The following TENM3 variants were observed in gnomAD, a reference collection of about 807,000 sequenced individuals.
TENM3 encodes teneurin transmembrane protein 3.
Under a neutral mutation model 255.1 loss-of-function variants are expected in TENM3, and 63 were observed. The observed-to-expected ratio is 0.25, with a 90% CI of 0.20 to 0.30. The LOEUF (loss-of-function observed/expected upper bound fraction) is 0.30. Among genes scored for constraint, TENM3 ranks in the 10% least tolerant of loss-of-function variants. TENM3 has a pLI of 1.00. For missense variants in TENM3, 2,929 were observed against 3,461.1 expected (o/e 0.85, Z 3.86); for synonymous variants, 1,306 against 1,322.3 (o/e 0.99, Z 0.27).
the TENM3 span, among the ~76,000 whole-genome samples, chr4:181,795,820 G>A: frequency 6.6e-6 from 1 of 152,302 alleles, no homozygotes; most frequent in South Asian, 2.1e-4. Context: ...ACCTTTACAT[G>A]ATGGGAATCC....
intron 1 of TENM3, among the ~76,000 whole-genome samples, chr4:182,219,246 C>T (rs892751841): frequency 1.3e-5 from 2 of 151,482 alleles, no homozygotes; most frequent in African/African-American, 4.9e-5. Context: ...AGAACAAAAA[C>T]AATAAAAACC....
the TENM3 span, among the ~76,000 whole-genome samples, chr4:181,829,064 A>G: frequency 6.6e-6 from 1 of 152,148 alleles, no homozygotes; most frequent in Admixed American, 6.5e-5. Flanking sequence ...CATAGGGGAG[A>G]CAGTACTTTA....
chr4:182,071,989 A>G, the TENM3 span, among the ~76,000 whole-genome samples: 2 of 152,220 alleles, frequency 1.3e-5, no homozygotes, highest in South Asian at 4.1e-4. Context: ...AGCCTATGCC[A>G]ACACATTGCG....
chr4:181,587,499 C>T, the TENM3 span, among the ~76,000 whole-genome samples: 2 of 152,168 alleles, frequency 1.3e-5, no homozygotes, highest in Admixed American at 1.3e-4. Context: ...ACTACCTTAG[C>T]GCCTGATATT....
At chr4:182,490,660 G>A (rs1252394191) in intron 3 of TENM3, among the ~76,000 whole-genome samples, 2 of 152,046 alleles carry the variant, frequency 1.3e-5, no homozygotes, top group South Asian at 2.1e-4. Context: ...TTAGTTGTGC[G>A]AAAAATTGCA....
At chr4:182,105,771 A>T in the TENM3 span, among the ~76,000 whole-genome samples, 2 of 152,184 alleles carry the variant, frequency 1.3e-5, no homozygotes, top group South Asian at 4.1e-4. Flanking sequence ...TGTCCACATG[A>T]TTGATCTCTG....
At chr4:182,020,052 C>T in the TENM3 span, among the ~76,000 whole-genome samples, 3 of 151,814 alleles carry the variant, frequency 2.0e-5, no homozygotes, top group Admixed American at 6.6e-5. Flanking sequence ...ATAGCTTTAA[C>T]GTATTTGGCT....
chr4:181,538,404 CG>C, the TENM3 span, among the ~76,000 whole-genome samples: 1 of 151,598 alleles, frequency 6.6e-6, no homozygotes, highest in Non-Finnish European at 1.5e-5. Context: ...AGTAAACGCT[CG>C]GAACATAAAA....
the TENM3 span, among the ~76,000 whole-genome samples, chr4:182,026,242 G>A: frequency 6.6e-6 from 1 of 152,098 alleles, no homozygotes; most frequent in East Asian, 1.9e-4. Context: ...ATTTGGGTTG[G>A]TGCCATTTGT....
intron 3 of TENM3, among the ~76,000 whole-genome samples, chr4:182,415,234 A>G (rs1272383883): frequency 6.6e-6 from 1 of 152,174 alleles, no homozygotes; most frequent in Non-Finnish European, 1.5e-5. Context: ...GCACATTTGA[A>G]TGCTTGGTTG....
At chr4:182,711,430 G>T (rs1758739529) in intron 12 of TENM3, 1 of 162,212 alleles carries the variant, frequency 6.2e-6, no homozygotes, top group Non-Finnish European at 1.3e-5. Flanking sequence ...ATTTTTAGGA[G>T]ATACGAAGTG....
chr4:181,571,130 T>C, the TENM3 span, among the ~76,000 whole-genome samples: 1 of 152,134 alleles, frequency 6.6e-6, no homozygotes, highest in African/African-American at 2.4e-5. Flanking sequence ...CCGGTGCTGT[T>C]CCTCAATTGT....
the TENM3 span, among the ~76,000 whole-genome samples, chr4:181,883,126 C>CTTTTTTTTTTTTTTTTTTTTTTTT: frequency 4.7e-5 from 5 of 106,728 alleles, no homozygotes; most frequent in East Asian, 2.3e-4. Context: ...TGCAATTAAT[C>CTTTTTTTTTTTTTTTTTTTTTTTT]TTTTTTTTTT....
chr4:182,708,624 C>G (rs931738076), intron 12 of TENM3, among the ~76,000 whole-genome samples: 16 of 152,136 alleles, frequency 1.1e-4, no homozygotes, highest in African/African-American at 2.9e-4. Context: ...ACGGTGAAAC[C>G]CCACCTCTAC....
the TENM3 span, among the ~76,000 whole-genome samples, chr4:181,809,048 C>T: frequency 6.6e-6 from 1 of 152,182 alleles, no homozygotes; most frequent in African/African-American, 2.4e-5. Flanking sequence ...CTGGAAGTTA[C>T]TGTTGATGTG....
chr4:181,853,472 A>G, the TENM3 span, among the ~76,000 whole-genome samples: 120 of 152,354 alleles, frequency 7.9e-4, 1 homozygote, highest in African/African-American at 2.0e-3. Context: ...AATTCATTTT[A>G]TAACGGCAAT....
At chr4:182,579,446 C>G (rs1745268565) in intron 3 of TENM3, among the ~76,000 whole-genome samples, 1 of 152,064 alleles carries the variant, frequency 6.6e-6, no homozygotes, top group South Asian at 2.1e-4. Context: ...AATCAAAGAG[C>G]AAGAGTCAAA....
the TENM3 span, among the ~76,000 whole-genome samples, chr4:182,013,377 T>G: frequency 6.6e-6 from 1 of 152,242 alleles, no homozygotes; most frequent in Non-Finnish European, 1.5e-5. Flanking sequence ...GGCCCTTGCC[T>G]TATGAATTTA....
At chr4:182,209,055 G>A (rs931329624) in intron 1 of TENM3, among the ~76,000 whole-genome samples, 57 of 149,744 alleles carry the variant, frequency 3.8e-4, no homozygotes, top group South Asian at 8.4e-4. Context: ...TGCAACCTCC[G>A]CCTCTGCGTT....
Sources: allele counts gnomAD v4.1 joint callset (sites outside exome capture counted in the v4.1 genomes callset), GRCh38; gene constraint gnomAD v4.1.1; transcripts MANE v1.5; gene names NCBI Gene and HGNC (gene_info 2026-07-23, HGNC 2026-07-21).